Variants in PHACTR2 observed in about 807,000 individuals in gnomAD.
The protein encoded by PHACTR2 is chromosome 6 open reading frame 56.
Under a neutral mutation model 76.0 loss-of-function variants are expected in PHACTR2, and 30 were observed. That is an observed-to-expected ratio of 0.39 (90% CI 0.30 to 0.54). The LOEUF (loss-of-function observed/expected upper bound fraction) is 0.54, where lower values mean the gene tolerates loss of function less well. Among genes scored for constraint, PHACTR2 ranks in the 20% least tolerant of loss-of-function variants. The pLI, the probability that PHACTR2 is intolerant of heterozygous loss-of-function variation, is 0.61. For synonymous variants in PHACTR2, 292 were observed against 292.5 expected (o/e 1.00, Z 0.02); for missense variants, 696 against 781.1 (o/e 0.89, Z 1.30).
Position 143,658,248 on chromosome 6 carries a change from A to G in PHACTR2, c.13+49926A>G, listed in dbSNP as rs962585092. 2.0e-5 allele frequency among the ~76,000 whole-genome samples: 3 copies of G among 152,230 alleles called. No homozygotes were observed. Among genetic ancestry groups the G allele is most frequent in the African/African-American group, 7.2e-5 (3 of 41,458 alleles). ...GCTTCAACAACAAATGTGATTTTAA[A>G]ATAAATTTGGGTACAAATATAGAAA... is the stretch of plus-strand genomic sequence containing the variant. On this transcript the variant is annotated intron_variant, in intron 1 of 11. Transcript: ENST00000305766. This position sits in a 1 kb window ranked among gnomAD's most constrained non-coding sequence, Gnocchi z 4.1.
At chr6:143,779,320 T>C (rs1263523799) in intron 9 of PHACTR2, among the ~76,000 whole-genome samples, 1 of 152,146 alleles carries the variant, frequency 6.6e-6, no homozygotes, top group African/African-American at 2.4e-5. Context: ...AGTGTGGTTT[T>C]TAAGGACGTT....
chr6:143,738,762 A>AG lies in PHACTR2; in HGVS notation c.215-10223_215-10222insG, dbSNP rs1554224234. 2.0e-5 allele frequency among the ~76,000 whole-genome samples: 3 copies of AG among 152,128 alleles called. No individual in the cohort carries two copies. Among genetic ancestry groups the AG allele is most frequent in the African/African-American group, 4.8e-5 (2 of 41,436 alleles). On this transcript the variant is annotated intron_variant, in intron 2 of 12. Transcript: ENST00000440869. The surrounding 1 kb of genome is among the most constrained non-coding windows in gnomAD (Gnocchi z 4.0). Reference sequence around the variant, plus strand: ...TAGAGCAGGACCTTGTCTCAAAAAAAAAAGAAAGAAAGAAAGAAAGAAAAT... The same window carrying AG: ...TAGAGCAGGACCTTGTCTCAAAAAAAGAAAGAAAGAAAGAAAGAAAGAAAAT...
At chr6:143,622,622 GA>G (rs1454110003) in intron 1 of PHACTR2, among the ~76,000 whole-genome samples, 4 of 152,148 alleles carry the variant, frequency 2.6e-5, no homozygotes, top group African/African-American at 9.7e-5. Context: ...TATTTAAGGA[GA>G]AAAGGACAGT....
intron 2 of PHACTR2, among the ~76,000 whole-genome samples, chr6:143,720,641 G>A (rs1211753152): frequency 6.6e-6 from 1 of 152,152 alleles, no homozygotes; most frequent in Non-Finnish European, 1.5e-5. Context: ...GGATCTCACT[G>A]TGTTACCCAA....
rs1365803144 is a variant in PHACTR2, at chr6:143,611,990, G to A, written c.13+3668G>A. On this transcript the variant is annotated intron_variant, in intron 1 of 11. Coordinates refer to the PHACTR2 transcript ENST00000305766. The surrounding 1 kb of genome is among the most constrained non-coding windows in gnomAD (Gnocchi z 4.4). Reference sequence around the variant, plus strand: ...TTTAAGACAGTAGTCCTGCACTACTGAACACAAGATGAGTTTTCAGAGAAA... The same window carrying A: ...TTTAAGACAGTAGTCCTGCACTACTAAACACAAGATGAGTTTTCAGAGAAA... 1.3e-5 allele frequency among the ~76,000 whole-genome samples: 2 copies of A among 152,180 alleles called. No individual in the cohort carries two copies. The highest frequency in any genetic ancestry group is 4.8e-5 in the African/African-American group (2 of 41,446).
chr6:143,682,243 A>G (rs1777407287), intron 1 of PHACTR2, among the ~76,000 whole-genome samples: 1 of 152,018 alleles, frequency 6.6e-6, no homozygotes, highest in African/African-American at 2.4e-5. Context: ...TCTTTTCACC[A>G]TGTTTTGTAG....
At chr6:143,692,832 C>T (rs1004280923) in intron 1 of PHACTR2, among the ~76,000 whole-genome samples, 3 of 152,308 alleles carry the variant, frequency 2.0e-5, no homozygotes, top group African/African-American at 4.8e-5. Flanking sequence ...GTACAGTATT[C>T]GTCTGCTAAG....
intron 10 of PHACTR2, among the ~76,000 whole-genome samples, chr6:143,786,138 G>A (rs916719086): frequency 6.6e-6 from 1 of 152,154 alleles, no homozygotes; most frequent in Non-Finnish European, 1.5e-5. Context: ...TTTTAAAATG[G>A]AATGCTTTTA....
chr6:143,729,462 G>GT (rs918696504), intron 2 of PHACTR2, among the ~76,000 whole-genome samples: 1 of 151,962 alleles, frequency 6.6e-6, no homozygotes, highest in Non-Finnish European at 1.5e-5. Context: ...TGTTTTTATA[G>GT]TTTTATGTTT....
chr6:143,654,191 A>C lies in PHACTR2; in HGVS notation c.13+45869A>C, dbSNP rs887599616. Among the ~76,000 whole-genome samples the C allele has an allele frequency of 6.6e-6, 1 of 152,224 alleles. No individual in the cohort carries two copies. Among genetic ancestry groups the C allele is most frequent in the Non-Finnish European group, 1.5e-5 (1 of 68,034 alleles). On this transcript the variant is annotated intron_variant, in intron 1 of 11. Coordinates refer to the PHACTR2 transcript ENST00000305766. This position sits in a 1 kb window ranked among gnomAD's most constrained non-coding sequence, Gnocchi z 4.6. ...TATACCCATGGGAATGTCTATAATCAGAAAGACAGGTAATAACAAGTGTTT... is the reference window on the plus strand; with the variant it reads ...TATACCCATGGGAATGTCTATAATCCGAAAGACAGGTAATAACAAGTGTTT...
rs1344993848 is a variant in PHACTR2, at chr6:143,621,337, TC to T, written c.13+13017del. ...AAAACTCAGGAGGGCGCGAATGAGTTCCTGTGGATCCCGAGCCCTCTCAGGC... is the reference window on the plus strand; with the variant it reads ...AAAACTCAGGAGGGCGCGAATGAGTTCTGTGGATCCCGAGCCCTCTCAGGC... On this transcript the variant is annotated intron_variant, in intron 1 of 11. Transcript: ENST00000305766. The surrounding 1 kb of genome is among the most constrained non-coding windows in gnomAD (Gnocchi z 4.1). Among the ~76,000 whole-genome samples, 30 of 152,260 alleles carry T rather than the reference TC, an allele frequency of 2.0e-4. No individual in the cohort carries two copies. In the East Asian group the frequency reaches 5.4e-3, roughly 27 times the overall value.
chr6:143,691,235 A>T (rs998031059), intron 1 of PHACTR2, among the ~76,000 whole-genome samples: 1 of 152,218 alleles, frequency 6.6e-6, no homozygotes, highest in African/African-American at 2.4e-5. Context: ...CATAAAGTAA[A>T]CAAAAATAGT....
Position 143,541,071 on chromosome 6 carries a change from G to A in PHACTR2, c.217+3864G>A, listed in dbSNP as rs543575599. On this transcript the variant is annotated intron_variant, in intron 1 of 11. Transcript: ENST00000367584. The surrounding 1 kb of genome is among the most constrained non-coding windows in gnomAD (Gnocchi z 5.3). Reference sequence around the variant, plus strand: ...CTCCTGAGTAGCTGGTGTTATAGGCGCATGCCACTGCTCCCAGCCTTGGAT... The same window carrying A: ...CTCCTGAGTAGCTGGTGTTATAGGCACATGCCACTGCTCCCAGCCTTGGAT... 2.0e-5 allele frequency among the ~76,000 whole-genome samples: 3 copies of A among 152,312 alleles called. No homozygotes were observed. The East Asian group carries it at 5.8e-4, about 29-fold the overall frequency.
chr6:143,615,533 T>C (rs138324961), intron 1 of PHACTR2, among the ~76,000 whole-genome samples: 1 of 152,320 alleles, frequency 6.6e-6, no homozygotes, highest in Non-Finnish European at 1.5e-5. Context: ...TTGTGAAGTG[T>C]TTCTTTCATA....
rs1203931260 is a variant in PHACTR2 at position 143,617,442 on chromosome 6, C to A, written c.13+9120C>A. 6.6e-6 allele frequency among the ~76,000 whole-genome samples: 1 copy of A among 152,178 alleles called. No homozygotes were observed. The highest frequency in any genetic ancestry group is 6.5e-5 in the Admixed American group (1 of 15,276). On this transcript the variant is annotated intron_variant, in intron 1 of 11. Coordinates refer to the PHACTR2 transcript ENST00000305766. The surrounding 1 kb of genome is among the most constrained non-coding windows in gnomAD (Gnocchi z 4.8). ...CTCAACTCTAGCTACTCATTAGAAT[C>A]CCCTGGAAATCTTTTAAATACCCAT...
chr6:143,680,471 A>G lies in PHACTR2; in HGVS notation c.46+2262A>G, dbSNP rs1186374489. ...TTTAATTATTCATACTTATCGCTCA[A>G]TTTGGCCTTTTGTAAAAATCTTCAT... On this transcript the variant is annotated intron_variant, in intron 1 of 12. Transcript: ENST00000440869. The surrounding 1 kb of genome is among the most constrained non-coding windows in gnomAD (Gnocchi z 4.5). Among the ~76,000 whole-genome samples the G allele has an allele frequency of 6.6e-6, 1 of 152,182 alleles. No individual in the cohort carries two copies.
intron 2 of PHACTR2, 176 bp from the exon 3 acceptor site, chr6:143,748,809 C>A: frequency 2.2e-6 from 1 of 460,220 alleles, no homozygotes; most frequent in South Asian, 3.8e-5. Flanking sequence ...CAGCCATTTG[C>A]TCTTGTCATA....
Position 143,570,184 on chromosome 6 carries a change from C to T in PHACTR2, c.217+32977C>T, listed in dbSNP as rs2128431487. Among the ~76,000 whole-genome samples, 1 of 139,368 alleles carries T rather than the reference C, an allele frequency of 7.2e-6. No homozygotes were observed. Among genetic ancestry groups the T allele is most frequent in the South Asian group, 2.3e-4 (1 of 4,268 alleles). The allele number at this position is 139,368 out of a possible 152,430, so 91.4% of individuals were successfully genotyped here. ...AACCAAAGATCAGCATTCGTGGCAT[C>T]ATAACATTTAAGAATTTAAAATGTG... On this transcript the variant is annotated intron_variant, in intron 1 of 11. Coordinates refer to the PHACTR2 transcript ENST00000367584. This position sits in a 1 kb window ranked among gnomAD's most constrained non-coding sequence, Gnocchi z 4.6.
chr6:143,688,538 C>T lies in PHACTR2; in HGVS notation c.46+10329C>T, dbSNP rs1352798640. Among the ~76,000 whole-genome samples, 2 of 152,180 alleles carry T rather than the reference C, an allele frequency of 1.3e-5. No individual in the cohort carries two copies. The highest frequency in any genetic ancestry group is 2.9e-5 in the Non-Finnish European group (2 of 68,044). ...TATACAGAAGGTTTGATTTTGTCCT[C>T]CAAGCCAGTTCTTCCCTTGACTTTC... On this transcript the variant is annotated intron_variant, in intron 1 of 12. Coordinates refer to ENST00000440869, the MANE Select transcript of PHACTR2 (RefSeq NM_001100164.2). This position sits in a 1 kb window ranked among gnomAD's most constrained non-coding sequence, Gnocchi z 5.2.
Sources: allele counts gnomAD v4.1 joint callset (sites outside exome capture counted in the v4.1 genomes callset), GRCh38; gene constraint gnomAD v4.1.1; non-coding constraint Gnocchi (gnomAD v3.1); transcripts MANE v1.5; gene names NCBI Gene and HGNC (gene_info 2026-07-23, HGNC 2026-07-21).